Variants in ATL2 observed in about 807,000 individuals in gnomAD.
The protein encoded by ATL2 is atlastin-2.
Under a neutral mutation model 73.9 loss-of-function variants are expected in ATL2, and 31 were observed. The ratio of observed to expected loss-of-function variants is 0.42; its 90% CI spans 0.32 to 0.57. The LOEUF (loss-of-function observed/expected upper bound fraction) is 0.57. Among genes scored for constraint, ATL2 ranks in the 20% least tolerant of loss-of-function variants. The pLI is 0.14. For missense variants in ATL2, 738 were observed against 702.6 expected, an observed-to-expected ratio of 1.05 and a Z score of -0.57; for synonymous variants, 291 against 237.5, an observed-to-expected ratio of 1.23 and a Z score of -2.07.
chr2:38,305,862 T>C (rs907598676), intron 9 of ATL2, among the ~76,000 whole-genome samples: 1 of 151,634 alleles, frequency 6.6e-6, no homozygotes, highest in Non-Finnish European at 1.5e-5. Context: ...TAACCATACA[T>C]CTTAAAAAAA....
At chr2:38,371,309 C>T (rs1358483559) in intron 1 of ATL2, among the ~76,000 whole-genome samples, 1 of 151,596 alleles carries the variant, frequency 6.6e-6, no homozygotes, top group Non-Finnish European at 1.5e-5. Flanking sequence ...AAGTTTGAGA[C>T]TAACCTGGAC....
chr2:38,336,179 T>C (rs1669347060), intron 2 of ATL2, among the ~76,000 whole-genome samples: 1 of 152,224 alleles, frequency 6.6e-6, no homozygotes, highest in South Asian at 2.1e-4. Context: ...CAGACACTGT[T>C]ATCCTTAAAG....
chr2:38,295,988 G>C lies in ATL2; in HGVS notation c.*6C>G. On this transcript the variant is annotated 3_prime_UTR_variant, in exon 13 of 13. Transcript: ENST00000378954. ...AAGAGAGTGGAGTCCGTGAGGAGATGAACTGTCAGTCTGTCTTTAATCTGG... is the reference window on the plus strand; with the variant it reads ...AAGAGAGTGGAGTCCGTGAGGAGATCAACTGTCAGTCTGTCTTTAATCTGG... 6.5e-7 allele frequency: 1 copy of C among 1,537,328 alleles called. No homozygotes were observed. The highest frequency in any genetic ancestry group is 8.8e-7 in the Non-Finnish European group (1 of 1,135,068).
intron 2 of ATL2, among the ~76,000 whole-genome samples, chr2:38,337,347 G>A (rs973372970): frequency 6.6e-6 from 1 of 151,032 alleles, no homozygotes; most frequent in African/African-American, 2.4e-5. Context: ...TTAGCCAGGT[G>A]TCGTGGTGCG....
chr2:38,368,478 C>T (rs1490913920), intron 1 of ATL2, among the ~76,000 whole-genome samples: 1 of 151,910 alleles, frequency 6.6e-6, no homozygotes, highest in African/African-American at 2.4e-5. Context: ...TCTCGAACTC[C>T]CCACCTCAGG....
chr2:38,296,090 A>G lies in ATL2; in HGVS notation c.1656T>C (p.Asn552=). ...WEQVLKPLGD[N]LMEENIRQSV... ...ACTGCCTTATGTTTTCCTCCATCAA[A>G]TTATCACCCAGGGGCTTCAATACCT... The change falls in exon 13 of 13, where the codon AAT becomes AAC. Residue 552 remains asparagine (N), a synonymous_variant. Coordinates refer to ENST00000378954, the MANE Select transcript of ATL2 (RefSeq NM_001135673.4). 6.4e-7 allele frequency: 1 copy of G among 1,551,402 alleles called. No homozygotes were observed. The highest frequency in any genetic ancestry group is 8.7e-7 in the Non-Finnish European group (1 of 1,146,760).
intron 7 of ATL2, among the ~76,000 whole-genome samples, chr2:38,312,689 A>G (rs1261823569): frequency 1.4e-5 from 2 of 146,522 alleles, no homozygotes; most frequent in African/African-American, 5.2e-5. Flanking sequence ...AGCCCAGGCA[A>G]TAGTGTGAGA....
At chr2:38,338,685 T>C (rs934712143) in intron 2 of ATL2, among the ~76,000 whole-genome samples, 2 of 152,100 alleles carry the variant, frequency 1.3e-5, no homozygotes, top group African/African-American at 2.4e-5. Flanking sequence ...AATTAATGAC[T>C]AAAAAATATC....
intron 9 of ATL2, among the ~76,000 whole-genome samples, chr2:38,300,973 T>G (rs775997002): frequency 1.3e-5 from 2 of 149,770 alleles, no homozygotes; most frequent in Non-Finnish European, 2.9e-5. Context: ...CATCTCAACT[T>G]TCTTTTTTTT....
intron 10 of ATL2, among the ~76,000 whole-genome samples, chr2:38,299,590 T>C (rs1667080272): frequency 2.0e-5 from 3 of 152,136 alleles, no homozygotes; most frequent in Admixed American, 2.0e-4. Flanking sequence ...GCTCAGGAAA[T>C]GGATAAAGAT....
At chr2:38,367,111 C>A (rs888953232) in intron 1 of ATL2, among the ~76,000 whole-genome samples, 2 of 151,954 alleles carry the variant, frequency 1.3e-5, no homozygotes, top group African/African-American at 4.8e-5. Flanking sequence ...CGAGCCACCG[C>A]ACACAGCCAA....
chr2:38,355,607 A>G (rs529092651), intron 1 of ATL2, among the ~76,000 whole-genome samples: 2 of 152,318 alleles, frequency 1.3e-5, no homozygotes, highest in East Asian at 1.9e-4. Flanking sequence ...TCAGAAAGAC[A>G]TAACAATGCC....
intron 1 of ATL2, chr2:38,354,140 C>A: frequency 2.4e-6 from 1 of 417,742 alleles, no homozygotes; most frequent in Middle Eastern, 4.6e-4. Flanking sequence ...AAGCGAAGAT[C>A]GTGCCACTGC....
At chr2:38,355,789 T>G (rs575677423) in intron 1 of ATL2, among the ~76,000 whole-genome samples, 3 of 151,594 alleles carry the variant, frequency 2.0e-5, no homozygotes, top group African/African-American at 7.3e-5. Context: ...AACCCCCGTC[T>G]TGCAGGTACA....
intron 2 of ATL2, among the ~76,000 whole-genome samples, chr2:38,341,020 C>G (rs542249304): frequency 6.6e-6 from 1 of 152,316 alleles, no homozygotes; most frequent in East Asian, 1.9e-4. Flanking sequence ...CTACTCCACT[C>G]TGAACAGCCA....
chr2:38,346,388 T>C (rs1318181190), intron 1 of ATL2, among the ~76,000 whole-genome samples: 1 of 152,058 alleles, frequency 6.6e-6, no homozygotes, highest in Admixed American at 6.5e-5. Flanking sequence ...AAATCACTGT[T>C]ACAGAGGACT....
intron 1 of ATL2, among the ~76,000 whole-genome samples, chr2:38,352,742 A>T (rs1428417230): frequency 6.6e-6 from 1 of 152,224 alleles, no homozygotes; most frequent in Admixed American, 6.5e-5. Flanking sequence ...TCAAGCTGAG[A>T]CACTAGAATC....
intron 1 of ATL2, among the ~76,000 whole-genome samples, chr2:38,349,052 G>C (rs1670189474): frequency 6.6e-6 from 1 of 150,604 alleles, no homozygotes; most frequent in East Asian, 1.9e-4. Flanking sequence ...TGGAGAAATA[G>C]GAACACTTTT....
chr2:38,339,575 A>T (rs891626641), intron 2 of ATL2, among the ~76,000 whole-genome samples: 2 of 152,200 alleles, frequency 1.3e-5, no homozygotes, highest in African/African-American at 4.8e-5. Context: ...AAAATGAAAA[A>T]AACACTTCTA....
Sources: allele counts gnomAD v4.1 joint callset (sites outside exome capture counted in the v4.1 genomes callset), GRCh38; gene constraint gnomAD v4.1.1; transcripts MANE v1.5; gene names NCBI Gene and HGNC (gene_info 2026-07-23, HGNC 2026-07-21).